The following PABPC1 variants were observed in gnomAD, a reference collection of about 807,000 sequenced individuals.
The protein encoded by PABPC1 is polyadenylate-binding protein 1.
Under a neutral mutation model 74.0 loss-of-function variants are expected in PABPC1, and 4 were observed. That is an observed-to-expected ratio of 0.05 (90% confidence interval 0.03 to 0.12). PABPC1 has a LOEUF of 0.12. PABPC1 is among the 10% of genes least tolerant of loss of function. PABPC1 has a pLI of 1.00. For synonymous variants in PABPC1, 227 were observed against 264.1 expected, an observed-to-expected ratio of 0.86 and a Z score of 1.36; for missense variants, 271 against 821.1, an observed-to-expected ratio of 0.33 and a Z score of 8.19.
rs1376721868 is a variant in PABPC1 at position 100,718,299 on chromosome 8, C to G, written c.194-19G>C. The G allele has an allele frequency of 1.2e-6, 2 of 1,601,056 alleles. No homozygotes were observed. The highest frequency in any genetic ancestry group is 1.7e-6 in the Non-Finnish European group (2 of 1,171,548). ...CGCTCCGCTGCAGGAAGGACATTTT[C>G]AGAGTCAATATTACTTCAAAATTTT... On this transcript the variant is annotated intron_variant, in intron 1 of 14. Transcript: ENST00000318607.
chr8:100,705,294 G>A (rs1302623335), intron 12 of PABPC1, among the ~76,000 whole-genome samples: 6 of 152,168 alleles, frequency 3.9e-5, no homozygotes, highest in African/African-American at 9.7e-5. Flanking sequence ...TTGTTAAATC[G>A]GTGTTCAGGC....
chr8:100,707,337 C>T (rs191399769), intron 9 of PABPC1: 67 of 276,160 alleles, frequency 2.4e-4, no homozygotes, highest in Admixed American at 5.1e-5. Flanking sequence ...ACCACCAAGA[C>T]GCGGAGACCA....
intron 14 of PABPC1, among the ~76,000 whole-genome samples, chr8:100,703,661 G>A (rs905348841): frequency 6.6e-6 from 1 of 152,170 alleles, no homozygotes. Context: ...TGGGAGTGAT[G>A]AAAGACAGTA....
Position 100,713,190 on chromosome 8 carries a change from T to A in PABPC1, c.644-9A>T, listed in dbSNP as rs373077269. On this transcript the variant is annotated splice_polypyrimidine_tract_variant and intron_variant, in intron 4 of 14. Transcript: ENST00000318607. ...CACACTTAAGGCAGGCCCTAAAAAA[T>A]TTTTTTACATAAATCAAAGATATTC... is the stretch of plus-strand genomic sequence containing the variant. 2.6e-4 allele frequency: 385 copies of A among 1,460,766 alleles called. No individual in the cohort carries two copies. In the African/African-American group the frequency reaches 4.6e-3, roughly 17 times the overall value. The allele number at this position is 1,460,766 out of a possible 1,614,324, so 90.5% of individuals were successfully genotyped here.
At chr8:100,708,881 A>AAATAAATAATAAATAATAAATAAAT (rs142393642) in intron 9 of PABPC1, among the ~76,000 whole-genome samples, 1 of 48,942 alleles carries the variant, frequency 2.0e-5, no homozygotes, top group African/African-American at 7.0e-5. Flanking sequence ...TCTGTCTCGA[A>AAATAAATAATAAATAATAAATAAAT]AATAAATAAA....
intron 14 of PABPC1, among the ~76,000 whole-genome samples, chr8:100,703,938 C>A (rs1194513058): frequency 6.6e-6 from 1 of 151,604 alleles, no homozygotes; most frequent in Non-Finnish European, 1.5e-5. Context: ...CCTGTTAATC[C>A]CAGCTGCTCG....
intron 14 of PABPC1, among the ~76,000 whole-genome samples, chr8:100,703,815 C>T (rs898265788): frequency 2.0e-5 from 3 of 152,060 alleles, no homozygotes; most frequent in African/African-American, 4.8e-5. Context: ...TTTGGGAGGC[C>T]GAGGTGGGCG....
chr8:100,709,948 A>G (rs1259632721), intron 7 of PABPC1: 5 of 486,248 alleles, frequency 1.0e-5, no homozygotes, highest in Admixed American at 3.5e-5. Flanking sequence ...AGGTCAGAGA[A>G]CTGACAGAAG....
Position 100,721,633 on chromosome 8 carries a change from G to T in PABPC1, c.-50C>A, listed in dbSNP as rs1423008565. 1.5e-6 allele frequency: 2 copies of T among 1,379,052 alleles called. No homozygotes were observed. The highest frequency in any genetic ancestry group is 3.2e-5 in the South Asian group (2 of 61,638). 85.4% of individuals were successfully genotyped at this position (1,379,052 alleles called of 1,614,324 possible). On this transcript the variant is annotated 5_prime_UTR_variant, in exon 1 of 15. Transcript: ENST00000318607. This position sits in a 1 kb window ranked among gnomAD's most constrained non-coding sequence, Gnocchi z 7.4. ...ACAGGCCGCGACCTTTCCGTGAGAG[G>T]AGGAGAGCGAGTGCCGGGGCTGGGG...
chr8:100,707,522 G>C (rs933624439), intron 9 of PABPC1, among the ~76,000 whole-genome samples: 5 of 152,218 alleles, frequency 3.3e-5, no homozygotes, highest in Non-Finnish European at 2.9e-5. Flanking sequence ...AGGAGACAGA[G>C]AGAAAGACAG....
chr8:100,706,601 G>A (rs750417062), intron 11 of PABPC1, 50 bp downstream of exon 11: 1 of 1,551,050 alleles, frequency 6.4e-7, no homozygotes, highest in East Asian at 2.3e-5. Flanking sequence ...TCACACCTTT[G>A]ATTTCACCCA....
chr8:100,709,939 G>C (rs535841296), intron 7 of PABPC1: 3 of 506,408 alleles, frequency 5.9e-6, no homozygotes, highest in Non-Finnish European at 1.0e-5. Context: ...ACCCTAGCCA[G>C]GTCAGAGAAC....
intron 1 of PABPC1, among the ~76,000 whole-genome samples, chr8:100,719,749 C>T (rs1027544159): frequency 2.6e-5 from 4 of 152,138 alleles, no homozygotes; most frequent in African/African-American, 7.2e-5. Flanking sequence ...GAAAGAGTAA[C>T]ACTTTCAAGT....
chr8:100,709,269 CAAAT>C (rs1810467198), intron 8 of PABPC1, 46 bp from the exon 9 acceptor site: 1 of 1,537,902 alleles, frequency 6.5e-7, no homozygotes, highest in African/African-American at 1.4e-5. Context: ...AAGAAAAAAG[CAAAT>C]AATGCAATAA....
At chr8:100,713,270 A>G in intron 4 of PABPC1, 89 bp from the exon 5 acceptor site, 1 of 739,666 alleles carries the variant, frequency 1.4e-6, no homozygotes, top group Non-Finnish European at 2.0e-6. Flanking sequence ...CCATGAAAAA[A>G]ATTTCAAAGC....
chr8:100,718,138 A>G lies in PABPC1; in HGVS notation c.336T>C (p.Asn112=). ...FIKNLDKSID[N]KALYDTFSAF... is the part of the protein sequence containing the mutation. The stretch of plus-strand genomic sequence containing the variant: ...CAGAAAATGTATCATACAGTGCTTT[A>G]TTATCAATGGATTTGTCCAGATTTT... Residue 112 remains asparagine, a synonymous_variant, in exon 2 of 15, where the codon AAT becomes AAC. Coordinates refer to ENST00000318607, the MANE Select transcript of PABPC1 (RefSeq NM_002568.4). The G allele has an allele frequency of 1.2e-6, 2 of 1,614,226 alleles. No individual in the cohort carries two copies. Among genetic ancestry groups the G allele is most frequent in the Admixed American group, 1.7e-5 (1 of 60,024 alleles).
chr8:100,720,123 C>A (rs773491979), intron 1 of PABPC1, among the ~76,000 whole-genome samples: 36 of 152,062 alleles, frequency 2.4e-4, no homozygotes, highest in Admixed American at 1.7e-3. Context: ...CTTCATATTT[C>A]GATTATTTGA....
chr8:100,706,610 C>G, intron 11 of PABPC1, 41 bp downstream of exon 11: 1 of 1,579,968 alleles, frequency 6.3e-7, no homozygotes, highest in Non-Finnish European at 8.7e-7. Context: ...TGATTTCACC[C>G]AAGAAATGTG....
In PABPC1 at chr8:100,715,357, G is replaced by GT. The variant is rs1053767207; in HGVS notation, c.643+104dup. ...AACCACAAATATTTTAAAGTACCAT[G>GT]TAAGTCTAATTTTATTGACTTTTTT... On this transcript the variant is annotated intron_variant, in intron 4 of 14. Coordinates refer to ENST00000318607, the MANE Select transcript of PABPC1 (RefSeq NM_002568.4). 8.1e-6 allele frequency: 8 copies of GT among 985,772 alleles called. No homozygotes were observed. In the African/African-American group the frequency reaches 1.3e-4, roughly 16 times the overall value. The allele number at this position is 985,772 out of a possible 1,614,324, so 61.1% of individuals were successfully genotyped here.
Sources: gnomAD v4.1 joint callset for allele counts (sites outside exome capture counted in the v4.1 genomes callset) on GRCh38, gnomAD v4.1.1 for gene constraint, Gnocchi (gnomAD v3.1) non-coding constraint, MANE v1.5 for transcripts, NCBI Gene and HGNC (gene_info 2026-07-23, HGNC 2026-07-21) for gene names.